RBFOX1: variants seen among roughly 807,000 people sequenced by gnomAD.
The protein encoded by RBFOX1 is RNA binding fox-1 homolog 1.
RBFOX1 carries 8 observed loss-of-function variants against 57.7 expected under a neutral mutation model. That is an observed-to-expected ratio of 0.14 (90% CI 0.08 to 0.25). RBFOX1 has a LOEUF of 0.25. Among genes scored for constraint, RBFOX1 ranks in the 10% least tolerant of loss-of-function variants. The pLI, the probability that RBFOX1 is intolerant of heterozygous loss-of-function variation, is 1.00. For missense variants in RBFOX1, 611 were observed against 548.5 expected (o/e 1.11, Z -1.14); for synonymous variants, 326 against 222.4 (o/e 1.47, Z -4.15).
chr16:5,666,373 G>C (rs567827499), intron 3 of RBFOX1, among the ~76,000 whole-genome samples: 1 of 152,148 alleles, frequency 6.6e-6, no homozygotes, highest in Non-Finnish European at 1.5e-5. Context: ...CAGAGCTCAC[G>C]GGAGCCTCTG....
chr16:7,547,197 A>AG (rs2084810164), intron 5 of RBFOX1, among the ~76,000 whole-genome samples: 1 of 152,228 alleles, frequency 6.6e-6, no homozygotes, highest in Non-Finnish European at 1.5e-5. Context: ...TAAGGCCATA[A>AG]ATATTGGTGG....
At chr16:7,204,621 G>C (rs1235229758) in intron 4 of RBFOX1, among the ~76,000 whole-genome samples, 6 of 152,116 alleles carry the variant, frequency 3.9e-5, no homozygotes, top group Non-Finnish European at 2.9e-5. Flanking sequence ...ACTTCAGCCT[G>C]GGCAACAGAA....
chr16:5,742,817 G>C (rs1444464796), intron 3 of RBFOX1, among the ~76,000 whole-genome samples: 1 of 152,196 alleles, frequency 6.6e-6, no homozygotes, highest in Non-Finnish European at 1.5e-5. Context: ...AGGTAAGCTA[G>C]CCTGAAAGAA....
At chr16:7,074,839 T>G (rs1277489837) in intron 4 of RBFOX1, among the ~76,000 whole-genome samples, 1 of 152,164 alleles carries the variant, frequency 6.6e-6, no homozygotes, top group East Asian at 1.9e-4. Context: ...GATCTATATT[T>G]GTCTATTGCG....
Position 7,092,827 on chromosome 16 carries a change from G to A in RBFOX1, c.27+40729G>A, listed in dbSNP as rs538253359. Reference sequence around the variant, plus strand: ...TAATTATTTTTTCTTCAAGTATTCTGTCCCCTTTACCAAATCGAAGGCTGG... The same window carrying A: ...TAATTATTTTTTCTTCAAGTATTCTATCCCCTTTACCAAATCGAAGGCTGG... On this transcript the variant is annotated intron_variant, in intron 4 of 15. Transcript: ENST00000550418. Among the ~76,000 whole-genome samples, 144 of 152,282 alleles carry A rather than the reference G, an allele frequency of 9.5e-4. 1 individual carries two copies. The highest frequency in any genetic ancestry group is 1.8e-3 in the Non-Finnish European group (120 of 68,014).
chr16:7,253,475 C>T (rs183118300), intron 4 of RBFOX1, among the ~76,000 whole-genome samples: 2 of 152,274 alleles, frequency 1.3e-5, no homozygotes, highest in Non-Finnish European at 2.9e-5. Flanking sequence ...AGGATCAATC[C>T]TCTGCCTATC....
chr16:5,693,374 A>AAG (rs1035040839), intron 3 of RBFOX1, among the ~76,000 whole-genome samples: 1 of 150,974 alleles, frequency 6.6e-6, no homozygotes, highest in East Asian at 1.9e-4. Flanking sequence ...GATCAAAAAA[A>AAG]AAACAAAAAC....
At chr16:5,540,119 A>G (rs546583487) in intron 2 of RBFOX1, among the ~76,000 whole-genome samples, 1 of 152,332 alleles carries the variant, frequency 6.6e-6, no homozygotes, top group African/African-American at 2.4e-5. Flanking sequence ...AGGGTGCTGA[A>G]CAGAAAAACA....
At chr16:6,648,975 A>G (rs891068117) in intron 2 of RBFOX1, among the ~76,000 whole-genome samples, 3 of 152,186 alleles carry the variant, frequency 2.0e-5, no homozygotes, top group Non-Finnish European at 1.5e-5. Context: ...AACACATAAC[A>G]TCTACTTTCT....
At chr16:6,254,184 G>T (rs1372975711) in intron 1 of RBFOX1, among the ~76,000 whole-genome samples, 1 of 152,158 alleles carries the variant, frequency 6.6e-6, no homozygotes, top group African/African-American at 2.4e-5. Flanking sequence ...TATCTACTCT[G>T]TAAGTGAGGC....
chr16:7,223,302 C>A (rs972859814), intron 4 of RBFOX1, among the ~76,000 whole-genome samples: 1 of 152,188 alleles, frequency 6.6e-6, no homozygotes, highest in Admixed American at 6.5e-5. Flanking sequence ...TCTTGATTGT[C>A]AGAGCATGTA....
chr16:5,608,140 T>C (rs920138433), intron 3 of RBFOX1, among the ~76,000 whole-genome samples: 13 of 152,212 alleles, frequency 8.5e-5, no homozygotes, highest in African/African-American at 3.1e-4. Context: ...GCAATGACTA[T>C]GAATCCCACT....
At chr16:5,718,145 C>T (rs2051788578) in intron 3 of RBFOX1, among the ~76,000 whole-genome samples, 1 of 152,170 alleles carries the variant, frequency 6.6e-6, no homozygotes, top group Non-Finnish European at 1.5e-5. Flanking sequence ...CTTCATGTGC[C>T]CCTGCCATTG....
chr16:5,356,505 G>A (rs1326069091), intron 1 of RBFOX1, among the ~76,000 whole-genome samples: 5 of 152,136 alleles, frequency 3.3e-5, no homozygotes, highest in Non-Finnish European at 5.9e-5. Flanking sequence ...GCCCTGCCCT[G>A]TGCTTTGGGG....
chr16:6,791,692 G>A (rs548960342), intron 3 of RBFOX1, among the ~76,000 whole-genome samples: 1,564 of 152,280 alleles, frequency 0.01, 32 homozygotes, highest in African/African-American at 0.036. Flanking sequence ...CTGGGAGGCA[G>A]AGGTTGCAGT....
chr16:7,016,401 C>A (rs900903771), intron 3 of RBFOX1, among the ~76,000 whole-genome samples: 15 of 152,150 alleles, frequency 9.9e-5, no homozygotes, highest in Admixed American at 9.8e-4. Context: ...GAAAACAAGG[C>A]ACTGAACTTA....
intron 3 of RBFOX1, among the ~76,000 whole-genome samples, chr16:6,955,599 T>G (rs995366521): frequency 3.9e-5 from 6 of 152,250 alleles, no homozygotes; most frequent in South Asian, 2.1e-4. Context: ...GCTGGTGCAT[T>G]GTATTGCCCA....
At chr16:6,235,737 C>G (rs1012114673) in intron 1 of RBFOX1, among the ~76,000 whole-genome samples, 2 of 152,030 alleles carry the variant, frequency 1.3e-5, no homozygotes, top group African/African-American at 4.8e-5. Flanking sequence ...GACTATTACT[C>G]TAAGTGAAGT....
chr16:6,924,754 A>G (rs992954049), intron 3 of RBFOX1, among the ~76,000 whole-genome samples: 4 of 151,476 alleles, frequency 2.6e-5, no homozygotes, highest in African/African-American at 9.7e-5. Flanking sequence ...ATATTTATAC[A>G]TGTGCCATGT....
Sources: allele counts gnomAD v4.1 joint callset (sites outside exome capture counted in the v4.1 genomes callset), GRCh38; gene constraint gnomAD v4.1.1; transcripts MANE v1.5; gene names NCBI Gene and HGNC (gene_info 2026-07-23, HGNC 2026-07-21).